Variants in GZF1 observed in about 807,000 individuals in gnomAD.
GZF1 encodes the protein GDNF-inducible zinc finger protein 1.
A neutral mutation model predicts 49.4 loss-of-function variants in GZF1; 28 were observed. The observed-to-expected ratio is 0.57, with a 90% CI of 0.42 to 0.78. The LOEUF (loss-of-function observed/expected upper bound fraction) is 0.78, where lower values mean the gene tolerates loss of function less well. GZF1 is among the 30% of genes least tolerant of loss of function. GZF1 has a pLI of 0.00. For missense variants in GZF1, 798 were observed against 916.2 expected (o/e 0.87, Z 1.67); for synonymous variants, 364 against 356.0 (o/e 1.02, Z -0.25).
chr20:23,364,336 T>A, intron 1 of GZF1, 27 bp from the exon 2 acceptor site: 1 of 1,374,804 alleles, frequency 7.3e-7, no homozygotes, highest in African/African-American at 1.5e-5. Context: ...TGGTTGCTCA[T>A]GCATAATTCT....
chr20:23,367,157 G>C (rs951929225), intron 3 of GZF1, 60 bp downstream of exon 3: 4 of 1,242,582 alleles, frequency 3.2e-6, no homozygotes, highest in Non-Finnish European at 4.7e-6. Context: ...AAATGCAATT[G>C]ATTAATTTTG....
rs147071692 is a variant in GZF1, at chr20:23,365,461, C to T, written c.1078C>T (p.Arg360Cys). Residue 360 changes from arginine to cysteine, a missense_variant, in exon 2 of 6, where the codon CGC becomes TGC. Arg to Cys is a radical substitution (Grantham distance 180). Around this residue, in one of 3 missense-constraint regions of GZF1, gnomAD observed 446 missense variants for 540.1 expected, o/e 0.83. Transcript: ENST00000338121. Reference protein sequence around the residue: ...CDTCGQTFANRCNLKSHQRHV... With the variant: ...CDTCGQTFANCCNLKSHQRHV... ...CACCTGCGGCCAGACCTTCGCCAACCGCTGCAACCTGAAGAGCCACCAGCG... is the reference window on the plus strand; with the variant it reads ...CACCTGCGGCCAGACCTTCGCCAACTGCTGCAACCTGAAGAGCCACCAGCG... 3.1e-5 allele frequency: 50 copies of T among 1,613,716 alleles called. No individual in the cohort carries two copies. Among genetic ancestry groups the T allele is most frequent in the African/African-American group, 4.0e-5 (3 of 74,956 alleles).
Position 23,365,569 on chromosome 20 carries a change from G to A in GZF1, c.1186G>A (p.Val396Met). The A allele has an allele frequency of 1.9e-6, 3 of 1,611,928 alleles. No homozygotes were observed. The highest frequency in any genetic ancestry group is 1.1e-5 in the South Asian group (1 of 91,034). ...FKRKKDVKRHVLQVHEGGGER... is the reference protein window; with the variant it reads ...FKRKKDVKRHMLQVHEGGGER... The stretch of plus-strand genomic sequence containing the variant: ...GCGCAAGAAGGACGTGAAGCGGCAC[G>A]TGCTGCAGGTGCATGAGGGCGGCGG... The change falls in exon 2 of 6, where the codon GTG becomes ATG. Residue 396 changes from valine (V) to methionine (M), a missense_variant. By Grantham distance (21) the Val-to-Met change is conservative (BLOSUM62 1). Around this residue, in one of 3 missense-constraint regions of GZF1, gnomAD observed 446 missense variants for 540.1 expected, o/e 0.83. Transcript: ENST00000338121.
intron 1 of GZF1, 87 bp from the exon 2 acceptor site, chr20:23,364,276 C>T (rs1981029712): frequency 1.4e-6 from 1 of 727,958 alleles, no homozygotes; most frequent in South Asian, 1.8e-5. Context: ...GAGTCTATAT[C>T]CTCTCAAGTA....
rs1981951864 is a variant in GZF1 at position 23,370,337 on chromosome 20, T to G, written c.2032T>G (p.Ser678Ala). The part of the protein sequence containing the change: ...TACKADDSVV[S>A]QDTLLATTIS... Reference sequence around the variant, plus strand: ...CTGCAAGGCAGATGACTCCGTGGTGTCCCAGGACACCCTCCTGGCCACCAC... The same window carrying G: ...CTGCAAGGCAGATGACTCCGTGGTGGCCCAGGACACCCTCCTGGCCACCAC... Residue 678 changes from serine to alanine, a missense_variant, in exon 6 of 6, where the codon TCC becomes GCC. By Grantham distance (99) the Ser-to-Ala change is moderately conservative (BLOSUM62 1). Transcript: ENST00000338121. 6.2e-7 allele frequency: 1 copy of G among 1,613,814 alleles called. No individual in the cohort carries two copies. Among genetic ancestry groups the G allele is most frequent in the African/African-American group, 1.3e-5 (1 of 74,916 alleles).
intron 1 of GZF1, among the ~76,000 whole-genome samples, chr20:23,363,734 C>G (rs1322046823): frequency 6.6e-6 from 1 of 152,208 alleles, no homozygotes; most frequent in Non-Finnish European, 1.5e-5. Flanking sequence ...AGAGAAGTTG[C>G]TTGCTCAAAG....
Position 23,365,636 on chromosome 20 carries a change from C to T in GZF1, c.1253C>T (p.Ser418Phe). 2 of 1,604,064 alleles carry T rather than the reference C, an allele frequency of 1.2e-6. No homozygotes were observed. The change falls in exon 2 of 6, where the codon TCC becomes TTC. Residue 418 changes from serine to phenylalanine, a missense_variant. Transcript: ENST00000338121. ...RCGQCGKGLS[S>F]KTALRLHERT... Reference sequence around the variant, plus strand: ...GGCCAGTGCGGCAAGGGCCTGAGTTCCAAGACAGCGCTGCGGCTGCACGAG... The same window carrying T: ...GGCCAGTGCGGCAAGGGCCTGAGTTTCAAGACAGCGCTGCGGCTGCACGAG...
In GZF1 at chr20:23,372,916, T is replaced by C. The variant is rs945853503; in HGVS notation, c.*2475T>C. ...GCTGTCGTTTGGAAAAAATGGGCCA[T>C]GTGGTGGAGACCTTTATTTAAGGTG... On this transcript the variant is annotated 3_prime_UTR_variant, in exon 6 of 6. Coordinates refer to ENST00000338121, the MANE Select transcript of GZF1 (RefSeq NM_022482.5). The C allele has an allele frequency of 6.6e-6, 1 of 152,230 alleles. No homozygotes were observed. The highest frequency in any genetic ancestry group is 2.4e-5 in the African/African-American group (1 of 41,466). The allele number at this position is 152,230 out of a possible 1,614,324, so 9.4% of individuals were successfully genotyped here.
chr20:23,368,240 G>A (rs912190678), intron 3 of GZF1, among the ~76,000 whole-genome samples: 7 of 152,162 alleles, frequency 4.6e-5, no homozygotes, highest in Admixed American at 2.0e-4. Flanking sequence ...CTGTGAAATC[G>A]GGCACAGCTA....
upstream of GZF1, among the ~76,000 whole-genome samples, chr20:23,361,496 C>A (rs542146313): frequency 6.6e-6 from 1 of 152,334 alleles, no homozygotes; most frequent in Non-Finnish European, 1.5e-5. Flanking sequence ...GAAATAAAGC[C>A]CTGCAGTAAA....
rs1303917761 is a variant in GZF1, at chr20:23,372,307, T to C, written c.*1866T>C. On this transcript the variant is annotated 3_prime_UTR_variant, in exon 6 of 6. Transcript: ENST00000338121. Reference sequence around the variant, plus strand: ...TGTTATAATTTAGGTTCTGCAGAAATATGATTCTTAATTGAAACATATAAT... The same window carrying C: ...TGTTATAATTTAGGTTCTGCAGAAACATGATTCTTAATTGAAACATATAAT... The C allele has an allele frequency of 6.6e-6, 1 of 152,468 alleles. No individual in the cohort carries two copies. The highest frequency in any genetic ancestry group is 1.5e-5 in the Non-Finnish European group (1 of 68,030). The allele number at this position is 152,468 out of a possible 1,614,324, so 9.4% of individuals were successfully genotyped here. A position where few individuals can be genotyped will look rare whatever the true frequency, so the allele number is the denominator to read the frequency against.
Position 23,369,723 on chromosome 20 carries a change from T to C in GZF1, c.1767T>C (p.Thr589=). 6.2e-7 allele frequency: 1 copy of C among 1,612,364 alleles called. No homozygotes were observed. The highest frequency in any genetic ancestry group is 8.5e-7 in the Non-Finnish European group (1 of 1,179,026). Residue 589 remains threonine, a synonymous_variant, in exon 5 of 6, where the codon ACT becomes ACC. Transcript: ENST00000338121. The stretch of plus-strand genomic sequence containing the variant: ...GACGGACATTCACCGACAAGTCCAC[T>C]CTTCGGCGGCACACCTCAGTAAGCA... ...ACGRTFTDKS[T]LRRHTSIHDK...
chr20:23,365,608 T>G lies in GZF1; in HGVS notation c.1225T>G (p.Cys409Gly). The G allele has an allele frequency of 6.2e-7, 1 of 1,606,572 alleles. No individual in the cohort carries two copies. Among genetic ancestry groups the G allele is most frequent in the Non-Finnish European group, 8.5e-7 (1 of 1,179,414 alleles). The change falls in exon 2 of 6, where the codon TGC (cysteine) becomes GGC (glycine). Residue 409 changes from cysteine (C) to glycine (G), a missense_variant. Physicochemically the swap from Cys to Gly is radical, Grantham distance 159. This residue lies in a region of GZF1 where 446 missense variants were observed against 540.1 expected (regional missense o/e 0.83). Coordinates refer to ENST00000338121, the MANE Select transcript of GZF1 (RefSeq NM_022482.5). ...TGAGGGCGGCGGCGAGCGGCACCGC[T>G]GCGGCCAGTGCGGCAAGGGCCTGAG... ...VHEGGGERHR[C>G]GQCGKGLSSK...
At chr20:23,364,219 G>A in intron 1 of GZF1, 144 bp from the exon 2 acceptor site, 1 of 533,660 alleles carries the variant, frequency 1.9e-6, no homozygotes, top group Non-Finnish European at 3.3e-6. Context: ...CTGCTAAGAA[G>A]TAAAATGTCA....
rs200625428 is a variant in GZF1 at position 23,368,844 on chromosome 20, T to C, written c.1542T>C (p.Thr514=). The change falls in exon 4 of 6, where the codon ACT becomes ACC. Residue 514 remains threonine (T), a synonymous_variant. Coordinates refer to ENST00000338121, the MANE Select transcript of GZF1 (RefSeq NM_022482.5). ...EYLKHHNRIH[T]GSKPFKCEVC... ...TAAAACACCACAATAGAATCCATAC[T>C]GGATCCAAACCCTTTAAATGTGAAG... 2.1e-5 allele frequency: 34 copies of C among 1,613,978 alleles called. No homozygotes were observed. The highest frequency in any genetic ancestry group is 2.6e-5 in the Non-Finnish European group (31 of 1,179,972).
At position 23,369,202 on chromosome 20, in the gene GZF1, G is replaced by C. The variant is rs562947682; in HGVS notation, c.1627+273G>C. Among the ~76,000 whole-genome samples the C allele has an allele frequency of 2.0e-5, 3 of 152,338 alleles. No individual in the cohort carries two copies. In the East Asian group the frequency reaches 5.8e-4, roughly 29 times the overall value. On this transcript the variant is annotated intron_variant, in intron 4 of 5. Coordinates refer to ENST00000338121, the MANE Select transcript of GZF1 (RefSeq NM_022482.5). ...CAGACAGCTTAGTCATGGTGTGAAT[G>C]TAGGAAGTGGATGTGGATGTGTGGA...
chr20:23,370,407 C>A lies in GZF1; in HGVS notation c.2102C>A (p.Pro701His), dbSNP rs1981966459. Residue 701 changes from proline (P) to histidine (H), a missense_variant, in exon 6 of 6, where the codon CCC becomes CAC. Physicochemically the swap from Pro to His is moderately conservative, Grantham distance 77. Transcript: ENST00000338121. ...SELTPQTDSM[P>H]TQLHSLSNME ...CTGACCCCACAGACAGACTCGATGC[C>A]CACACAGCTTCACTCTTTGAGCAAC... is the stretch of plus-strand genomic sequence containing the variant. 1 of 1,613,392 alleles carries A rather than the reference C, an allele frequency of 6.2e-7. No homozygotes were observed. Among genetic ancestry groups the A allele is most frequent in the African/African-American group, 1.3e-5 (1 of 75,026 alleles).
At position 23,372,646 on chromosome 20, in the gene GZF1, G is replaced by A. The variant is rs1982188056; in HGVS notation, c.*2205G>A. 6.6e-6 allele frequency: 1 copy of A among 152,268 alleles called. No individual in the cohort carries two copies. The highest frequency in any genetic ancestry group is 1.5e-5 in the Non-Finnish European group (1 of 68,096). The allele number at this position is 152,268 out of a possible 1,614,324, so 9.4% of individuals were successfully genotyped here. A position where few individuals can be genotyped will look rare whatever the true frequency, so the allele number is the denominator to read the frequency against. On this transcript the variant is annotated 3_prime_UTR_variant, in exon 6 of 6. Transcript: ENST00000338121. ...GACTGGTTACAGAGGACCTCCTGGA[G>A]CATCTGCCCCATTCCTCCAAGTCCA...
upstream of GZF1, among the ~76,000 whole-genome samples, chr20:23,361,329 C>T (rs1438231074): frequency 6.6e-6 from 1 of 152,174 alleles, no homozygotes; most frequent in African/African-American, 2.4e-5. Context: ...TGTTTCAAAG[C>T]GGGCTTTAGT....
Sources: allele counts gnomAD v4.1 joint callset (sites outside exome capture counted in the v4.1 genomes callset), GRCh38; gene constraint gnomAD v4.1.1; regional missense constraint gnomAD v4.1.1; transcripts MANE v1.5; gene names NCBI Gene and HGNC (gene_info 2026-07-23, HGNC 2026-07-21).